NR3C2: variants seen among roughly 807,000 people sequenced by gnomAD.
NR3C2 encodes mineralocorticoid receptor.
NR3C2 carries 15 observed loss-of-function variants against 86.4 expected under a neutral mutation model. The ratio of observed to expected loss-of-function variants is 0.17; its 90% CI spans 0.12 to 0.27. The LOEUF (loss-of-function observed/expected upper bound fraction) is 0.27, where lower values mean the gene tolerates loss of function less well. Ranked by LOEUF, NR3C2 falls within the 10% of genes least tolerant of loss-of-function variation. NR3C2 has a pLI of 1.00. For missense variants in NR3C2, 960 were observed against 1,195.6 expected (o/e 0.80, Z 2.91); for synonymous variants, 458 against 450.5 (o/e 1.02, Z -0.21).
chr4:148,133,405 C>G (rs542432610), intron 6 of NR3C2, among the ~76,000 whole-genome samples: 1 of 152,200 alleles, frequency 6.6e-6, no homozygotes, highest in South Asian at 2.1e-4. Flanking sequence ...AAAGACACTG[C>G]TTACTTTCAA....
At chr4:148,283,849 C>T (rs1392360640) in intron 2 of NR3C2, among the ~76,000 whole-genome samples, 1 of 152,180 alleles carries the variant, frequency 6.6e-6, no homozygotes, top group African/African-American at 2.4e-5. Flanking sequence ...TTGATGTTTA[C>T]CAGTGGTTGC....
At chr4:148,101,752 T>C (rs1395049478) in intron 8 of NR3C2, among the ~76,000 whole-genome samples, 1 of 152,202 alleles carries the variant, frequency 6.6e-6, no homozygotes, top group Non-Finnish European at 1.5e-5. Flanking sequence ...ACAAAGACAT[T>C]GTATATTCTC....
At chr4:148,096,959 T>G (rs1227065505) in intron 8 of NR3C2, among the ~76,000 whole-genome samples, 1 of 152,214 alleles carries the variant, frequency 6.6e-6, no homozygotes, top group African/African-American at 2.4e-5. Flanking sequence ...AGGTTTTGTT[T>G]GTTAAAATAT....
Position 148,220,327 on chromosome 4 carries a change from A to T in NR3C2, c.1898-25465T>A, listed in dbSNP as rs138505826. ...GGTCTTGAACTCCTGGCCTCAAGTG[A>T]TCCTGCCACCTCAGCCTTCCAAAGT... On this transcript the variant is annotated intron_variant, in intron 3 of 8. Transcript: ENST00000358102. Among the ~76,000 whole-genome samples, 842 of 152,160 alleles carry T rather than the reference A, an allele frequency of 5.5e-3. 11 individuals are homozygous for T. Among genetic ancestry groups the T allele is most frequent in the African/African-American group, 0.019 (807 of 41,514 alleles).
At chr4:148,390,376 C>T (rs1360822231) in intron 2 of NR3C2, among the ~76,000 whole-genome samples, 1 of 151,954 alleles carries the variant, frequency 6.6e-6, no homozygotes, top group Non-Finnish European at 1.5e-5. Flanking sequence ...TTATAATATT[C>T]TCAGGTGAAA....
intron 2 of NR3C2, among the ~76,000 whole-genome samples, chr4:148,272,163 G>A (rs1432197648): frequency 6.6e-6 from 1 of 152,140 alleles, no homozygotes; most frequent in African/African-American, 2.4e-5. Flanking sequence ...TGAGGGAATA[G>A]CAAGGGGTGG....
At chr4:148,270,661 T>C (rs1740634168) in intron 2 of NR3C2, among the ~76,000 whole-genome samples, 1 of 152,174 alleles carries the variant, frequency 6.6e-6, no homozygotes, top group Non-Finnish European at 1.5e-5. Flanking sequence ...TCTTTTGGTA[T>C]TTTTTCATTA....
At chr4:148,213,827 T>C (rs1737398676) in intron 3 of NR3C2, among the ~76,000 whole-genome samples, 1 of 152,246 alleles carries the variant, frequency 6.6e-6, no homozygotes, top group Non-Finnish European at 1.5e-5. Flanking sequence ...ACAGTCACTG[T>C]AGCTGTCTAT....
intron 3 of NR3C2, among the ~76,000 whole-genome samples, chr4:148,206,270 C>T (rs1379303451): frequency 6.6e-6 from 1 of 152,206 alleles, no homozygotes; most frequent in Non-Finnish European, 1.5e-5. Flanking sequence ...TTCACACCCA[C>T]TCATCCAAAT....
At chr4:148,110,314 G>C (rs1731995043) in intron 8 of NR3C2, among the ~76,000 whole-genome samples, 1 of 152,186 alleles carries the variant, frequency 6.6e-6, no homozygotes, top group African/African-American at 2.4e-5. Flanking sequence ...TGTGTGTCCT[G>C]AGAGCGGCGT....
intron 2 of NR3C2, among the ~76,000 whole-genome samples, chr4:148,419,861 T>A (rs1226904007): frequency 6.6e-6 from 1 of 152,186 alleles, no homozygotes; most frequent in East Asian, 1.9e-4. Context: ...TAATTAAGTC[T>A]TACTAATGAT....
intron 4 of NR3C2, among the ~76,000 whole-genome samples, chr4:148,156,951 T>C (rs897690687): frequency 2.0e-5 from 3 of 151,912 alleles, no homozygotes; most frequent in Non-Finnish European, 2.9e-5. Context: ...GTGGCACATA[T>C]ACACCATGGA....
At chr4:148,091,661 TACCA>T (rs1731068785) in intron 8 of NR3C2, among the ~76,000 whole-genome samples, 1 of 152,228 alleles carries the variant, frequency 6.6e-6, no homozygotes, top group Non-Finnish European at 1.5e-5. Flanking sequence ...ACCTCCTGGG[TACCA>T]GCCTGATGTA....
intron 3 of NR3C2, among the ~76,000 whole-genome samples, chr4:148,226,554 T>C (rs922595928): frequency 3.3e-5 from 5 of 152,200 alleles, no homozygotes; most frequent in Admixed American, 3.3e-4. Flanking sequence ...TGTGTATTCA[T>C]GTTCCTGGAT....
At chr4:148,246,158 A>G (rs1283497622) in intron 3 of NR3C2, among the ~76,000 whole-genome samples, 2 of 152,178 alleles carry the variant, frequency 1.3e-5, no homozygotes, top group Non-Finnish European at 2.9e-5. Flanking sequence ...ATATGAGGCC[A>G]TTTCCATTTT....
chr4:148,444,010 C>A (rs1404943833), upstream of NR3C2: 2 of 985,288 alleles, frequency 2.0e-6, no homozygotes, highest in African/African-American at 3.5e-5. Context: ...CCGGCGTCCC[C>A]GCAGCCAGGA....
At chr4:148,163,971 A>C (rs1734774486) in intron 4 of NR3C2, among the ~76,000 whole-genome samples, 1 of 152,218 alleles carries the variant, frequency 6.6e-6, no homozygotes, top group African/African-American at 2.4e-5. Context: ...AATGACATCT[A>C]ATCAGAAGGT....
intron 8 of NR3C2, among the ~76,000 whole-genome samples, chr4:148,082,057 TCTTTC>T (rs1245198523): frequency 1.3e-5 from 2 of 152,220 alleles, no homozygotes; most frequent in Non-Finnish European, 2.9e-5. Flanking sequence ...CCCCAGGCCC[TCTTTC>T]CTTCTTTGTG....
chr4:148,126,045 G>T lies in NR3C2; in HGVS notation c.2511-5757C>A, dbSNP rs142075648. ...CACAACACGCATTTCATACTGTGCG[G>T]CTTGAAAAATGTGCTCATATGCATT... On this transcript the variant is annotated intron_variant, in intron 6 of 8. Coordinates refer to ENST00000358102, the MANE Select transcript of NR3C2 (RefSeq NM_000901.5). Among the ~76,000 whole-genome samples the T allele has an allele frequency of 2.7e-3, 415 of 152,304 alleles. 4 individuals are homozygous for T. The highest frequency in any genetic ancestry group is 0.017 in the East Asian group (86 of 5,176).
Sources: allele counts gnomAD v4.1 joint callset (sites outside exome capture counted in the v4.1 genomes callset), GRCh38; gene constraint gnomAD v4.1.1; transcripts MANE v1.5; gene names NCBI Gene and HGNC (gene_info 2026-07-23, HGNC 2026-07-21).